Variants in MTUS2 observed in about 807,000 individuals in gnomAD.
The protein encoded by MTUS2 is microtubule associated scaffold protein 2.
A neutral mutation model predicts 114.1 loss-of-function variants in MTUS2; 40 were observed. The ratio of observed to expected loss-of-function variants is 0.35; its 90% CI spans 0.27 to 0.46. MTUS2 has a LOEUF of 0.46. Ranked by LOEUF, MTUS2 falls within the 20% of genes least tolerant of loss-of-function variation. The probability of loss-of-function intolerance (pLI) is 1.00; values close to 1 mark genes in which losing one functional copy is unlikely to be tolerated. For synonymous variants in MTUS2, 688 were observed against 672.0 expected, an observed-to-expected ratio of 1.02 and a Z score of -0.37; for missense variants, 1,679 against 1,705.4, an observed-to-expected ratio of 0.98 and a Z score of 0.27.
At chr13:29,489,421 C>T (rs1881893650) in intron 11 of MTUS2, among the ~76,000 whole-genome samples, 1 of 152,162 alleles carries the variant, frequency 6.6e-6, no homozygotes. Flanking sequence ...TATTGTCACC[C>T]TCAAGCACCA....
chr13:29,053,601 A>G, intron 4 of MTUS2, among the ~76,000 whole-genome samples: 1 of 152,116 alleles, frequency 6.6e-6, no homozygotes, highest in East Asian at 1.9e-4. Flanking sequence ...GTGAATATTC[A>G]TCTGCTTTTT....
At chr13:28,991,008 C>G (rs557378287) in intron 2 of MTUS2, among the ~76,000 whole-genome samples, 2 of 152,290 alleles carry the variant, frequency 1.3e-5, no homozygotes, top group East Asian at 3.9e-4. Context: ...CAACAACCCA[C>G]CAGAAGGAAT....
intron 2 of MTUS2, among the ~76,000 whole-genome samples, chr13:29,010,180 C>A (rs958937493): frequency 6.9e-6 from 1 of 144,966 alleles, no homozygotes; most frequent in Non-Finnish European, 1.5e-5. Flanking sequence ...CACTGCACTC[C>A]AGCCTGGGCG....
intron 5 of MTUS2, among the ~76,000 whole-genome samples, chr13:29,259,657 A>G (rs759065435): frequency 6.6e-6 from 1 of 152,228 alleles, no homozygotes; most frequent in Non-Finnish European, 1.5e-5. Flanking sequence ...GATGTCTGCG[A>G]TTTTATTTTG....
At chr13:28,886,421 A>G (rs1224760618) in intron 2 of MTUS2, among the ~76,000 whole-genome samples, 2 of 152,076 alleles carry the variant, frequency 1.3e-5, no homozygotes, top group Non-Finnish European at 2.9e-5. Flanking sequence ...AGTGGTCGAA[A>G]TCGGATTTTA....
intron 4 of MTUS2, among the ~76,000 whole-genome samples, chr13:29,050,686 G>A (rs1423796340): frequency 1.3e-5 from 2 of 152,212 alleles, no homozygotes; most frequent in Non-Finnish European, 2.9e-5. Flanking sequence ...TGTTCCTGCA[G>A]AGAAGGACAG....
chr13:29,466,894 AAAG>A (rs1195819412), intron 9 of MTUS2, among the ~76,000 whole-genome samples: 1 of 151,692 alleles, frequency 6.6e-6, no homozygotes, highest in Admixed American at 6.6e-5. Context: ...AAAAAAAAAA[AAAG>A]AAAAGAAAGA....
At chr13:29,463,072 G>A (rs1276686235) in intron 9 of MTUS2, among the ~76,000 whole-genome samples, 3 of 152,178 alleles carry the variant, frequency 2.0e-5, no homozygotes, top group Non-Finnish European at 4.4e-5. Context: ...GAAGGTGTGA[G>A]GATGGAAGCA....
intron 3 of MTUS2, among the ~76,000 whole-genome samples, chr13:29,032,657 A>G (rs116168821): frequency 0.018 from 2,753 of 152,286 alleles, 89 homozygotes; most frequent in African/African-American, 0.063. Context: ...TTAAAGGCCT[A>G]ATCTTTTGTT....
At chr13:29,266,658 C>T (rs147995270) in intron 5 of MTUS2, among the ~76,000 whole-genome samples, 23 of 152,284 alleles carry the variant, frequency 1.5e-4, no homozygotes, top group South Asian at 1.0e-3. Flanking sequence ...TGGCCCACCT[C>T]GGTCATGCCC....
At chr13:28,853,128 G>A (rs1876400593) in intron 2 of MTUS2, among the ~76,000 whole-genome samples, 1 of 152,126 alleles carries the variant, frequency 6.6e-6, no homozygotes, top group African/African-American at 2.4e-5. Context: ...GGATCTGGTT[G>A]GAAGAGATTT....
At chr13:29,273,784 T>G (rs1897962326) in intron 5 of MTUS2, among the ~76,000 whole-genome samples, 2 of 152,202 alleles carry the variant, frequency 1.3e-5, no homozygotes, top group Admixed American at 1.3e-4. Flanking sequence ...TAAATGTAAT[T>G]ATATAATATT....
chr13:28,825,462 C>T (rs1449759287), intron 1 of MTUS2, among the ~76,000 whole-genome samples: 1 of 152,090 alleles, frequency 6.6e-6, no homozygotes, highest in Non-Finnish European at 1.5e-5. Context: ...AGAGAGAATC[C>T]CCAGCTTAAA....
chr13:29,117,034 C>T (rs578169505), intron 5 of MTUS2, among the ~76,000 whole-genome samples: 9 of 152,250 alleles, frequency 5.9e-5, no homozygotes, highest in African/African-American at 2.2e-4. Flanking sequence ...TTACTTCTTC[C>T]AAGAAGTTCT....
chr13:29,487,892 T>C lies in MTUS2; in HGVS notation c.3400-8T>C, dbSNP rs768403168. The C allele has an allele frequency of 6.2e-7, 1 of 1,608,760 alleles. No individual in the cohort carries two copies. Among genetic ancestry groups the C allele is most frequent in the Admixed American group, 1.7e-5 (1 of 60,014 alleles). On this transcript the variant is annotated splice_polypyrimidine_tract_variant and splice_region_variant and intron_variant, in intron 10 of 15. Transcript: ENST00000612955. ...TCTGTCTAACCAGTAACTGCGACTC[T>C]CCTCCAGGTGGAAGATCTCACCGCC...
intron 5 of MTUS2, among the ~76,000 whole-genome samples, chr13:29,208,214 A>G (rs1219324290): frequency 2.0e-5 from 3 of 151,938 alleles, no homozygotes; most frequent in Non-Finnish European, 4.4e-5. Flanking sequence ...TACTTTGTGC[A>G]TGTAAAGGTG....
At chr13:29,470,498 G>A (rs887851003) in intron 9 of MTUS2, among the ~76,000 whole-genome samples, 40 of 152,148 alleles carry the variant, frequency 2.6e-4, no homozygotes, top group African/African-American at 8.7e-4. Flanking sequence ...AACAGCCTGA[G>A]TCCAAGTCAT....
chr13:29,453,766 A>T (rs200804319), intron 9 of MTUS2, among the ~76,000 whole-genome samples: 3 of 66,636 alleles, frequency 4.5e-5, no homozygotes, highest in African/African-American at 4.0e-5. Flanking sequence ...ATCTCTAAGC[A>T]GGAGGAGTAG....
At chr13:29,428,868 A>T in intron 8 of MTUS2, 1 of 1,614,050 alleles carries the variant, frequency 6.2e-7, no homozygotes, top group Non-Finnish European at 8.5e-7. Context: ...TGCAAGCCTT[A>T]TAACTGCCTT....
Sources: gnomAD v4.1 joint callset for allele counts (sites outside exome capture counted in the v4.1 genomes callset) on GRCh38, gnomAD v4.1.1 for gene constraint, MANE v1.5 for transcripts, NCBI Gene and HGNC (gene_info 2026-07-23, HGNC 2026-07-21) for gene names.